The following MYO5B variants were observed in gnomAD, a reference collection of about 807,000 sequenced individuals.
The protein encoded by MYO5B is unconventional myosin-Vb.
A neutral mutation model predicts 229.3 loss-of-function variants in MYO5B; 143 were observed. The observed-to-expected ratio is 0.62, with a 90% CI of 0.54 to 0.72. The LOEUF (loss-of-function observed/expected upper bound fraction) is 0.72, where lower values mean the gene tolerates loss of function less well. Among genes scored for constraint, MYO5B ranks in the 30% least tolerant of loss-of-function variants. MYO5B has a pLI of 0.00. For synonymous variants in MYO5B, 918 were observed against 885.2 expected (o/e 1.04, Z -0.66); for missense variants, 2,321 against 2,331.0 (o/e 1.00, Z 0.09).
chr18:49,967,290 C>A (rs1249999995), intron 10 of MYO5B, among the ~76,000 whole-genome samples: 1 of 152,078 alleles, frequency 6.6e-6, no homozygotes, highest in Non-Finnish European at 1.5e-5. Context: ...AGGTAGTGTC[C>A]GTTGGAAAGT....
At chr18:49,838,556 G>A (rs1908739837) in intron 36 of MYO5B, among the ~76,000 whole-genome samples, 2 of 152,264 alleles carry the variant, frequency 1.3e-5, no homozygotes, top group South Asian at 4.1e-4. Flanking sequence ...TAAGAACCTG[G>A]GGAAAGCATT....
intron 27 of MYO5B, 52 bp from the exon 28 acceptor site, chr18:49,864,432 T>G (rs2024372950): frequency 6.2e-7 from 1 of 1,601,854 alleles, no homozygotes; most frequent in Admixed American, 1.7e-5. Flanking sequence ...TAGGGCTCTC[T>G]CCCTGTGTGG....
chr18:49,895,533 G>A (rs2024768748), intron 21 of MYO5B, among the ~76,000 whole-genome samples: 1 of 150,996 alleles, frequency 6.6e-6, no homozygotes, highest in Non-Finnish European at 1.5e-5. Flanking sequence ...TGGGTTTGCA[G>A]CCTTCACTTT....
chr18:50,005,988 G>A (rs1033245092), intron 4 of MYO5B, among the ~76,000 whole-genome samples: 14 of 152,070 alleles, frequency 9.2e-5, no homozygotes, highest in Admixed American at 2.0e-4. Context: ...GTCATATTTC[G>A]CCTTCTTTTG....
intron 21 of MYO5B, among the ~76,000 whole-genome samples, chr18:49,899,048 G>A (rs562162859): frequency 2.0e-5 from 3 of 152,254 alleles, no homozygotes; most frequent in South Asian, 4.1e-4. Flanking sequence ...TCATTTCCAA[G>A]CTATCAGCTC....
chr18:50,116,550 G>C (rs1283553970), intron 1 of MYO5B, among the ~76,000 whole-genome samples: 1 of 152,058 alleles, frequency 6.6e-6, no homozygotes, highest in Non-Finnish European at 1.5e-5. Context: ...AAAACCTGCT[G>C]CATCTCTTGA....
At position 49,898,534 on chromosome 18, in the gene MYO5B, A is replaced by T. The variant is rs556546834; in HGVS notation, c.2812-3360T>A. ...ACTGAATGACGTCATACCACAGCCTATCCCAGGGACACTGCAAGAAATGGT... is the reference window on the plus strand; with the variant it reads ...ACTGAATGACGTCATACCACAGCCTTTCCCAGGGACACTGCAAGAAATGGT... On this transcript the variant is annotated intron_variant, in intron 21 of 39. Transcript: ENST00000285039. 4.0e-3 allele frequency among the ~76,000 whole-genome samples: 611 copies of T among 152,324 alleles called. 5 individuals carry two copies. Among genetic ancestry groups the T allele is most frequent in the African/African-American group, 0.014 (592 of 41,576 alleles).
chr18:49,984,400 G>A (rs760200255), intron 8 of MYO5B, among the ~76,000 whole-genome samples: 2 of 152,220 alleles, frequency 1.3e-5, no homozygotes, highest in Admixed American at 6.5e-5. Context: ...ACCACAGCAC[G>A]AGAAGACGTG....
intron 1 of MYO5B, among the ~76,000 whole-genome samples, chr18:50,159,565 T>C (rs2032732829): frequency 6.6e-6 from 1 of 152,084 alleles, no homozygotes; most frequent in African/African-American, 2.4e-5. Context: ...CCACCGTGCT[T>C]CTCATGCTCA....
intron 17 of MYO5B, among the ~76,000 whole-genome samples, chr18:49,926,897 C>T (rs1358392210): frequency 6.6e-6 from 1 of 152,152 alleles, no homozygotes; most frequent in South Asian, 2.1e-4. Flanking sequence ...TGAAGGTATA[C>T]TAACTGAAAT....
At chr18:49,865,318 G>A (rs772756584) in intron 27 of MYO5B, among the ~76,000 whole-genome samples, 5 of 152,086 alleles carry the variant, frequency 3.3e-5, no homozygotes, top group South Asian at 2.1e-4. Flanking sequence ...GGTCCAGGGC[G>A]CCCCTGTGAC....
chr18:50,146,323 T>C (rs1378959186), intron 1 of MYO5B, among the ~76,000 whole-genome samples: 10 of 152,218 alleles, frequency 6.6e-5, no homozygotes, highest in Non-Finnish European at 1.5e-4. Context: ...CTTATCCAAC[T>C]GGAAGGAAGA....
intron 27 of MYO5B, among the ~76,000 whole-genome samples, chr18:49,870,718 A>T (rs570043310): frequency 6.6e-6 from 1 of 152,218 alleles, no homozygotes; most frequent in Non-Finnish European, 1.5e-5. Context: ...CAAAACTACA[A>T]TGAGATATCA....
intron 1 of MYO5B, among the ~76,000 whole-genome samples, chr18:50,155,510 A>G (rs562774761): frequency 1.3e-5 from 2 of 152,364 alleles, no homozygotes; most frequent in Admixed American, 1.3e-4. Context: ...TTGAACAACC[A>G]TCACTGCTTC....
chr18:49,875,594 A>C lies in MYO5B; in HGVS notation c.3537+93T>G, dbSNP rs948591946. 3 of 1,549,302 alleles carry C rather than the reference A, an allele frequency of 1.9e-6. No homozygotes were observed. The African/African-American group carries it at 4.1e-5, about 21-fold the overall frequency. On this transcript the variant is annotated intron_variant, in intron 26 of 39. Coordinates refer to ENST00000285039, the MANE Select transcript of MYO5B (RefSeq NM_001080467.3). ...TGAGACTTAGCAGGAGCACAATCCCATGTGGTCACACATGCCACATGAGCC... is the reference window on the plus strand; with the variant it reads ...TGAGACTTAGCAGGAGCACAATCCCCTGTGGTCACACATGCCACATGAGCC...
intron 21 of MYO5B, among the ~76,000 whole-genome samples, chr18:49,902,283 A>C (rs1314438815): frequency 9.5e-6 from 1 of 104,854 alleles, no homozygotes; most frequent in East Asian, 2.7e-4. Context: ...CCTCCCTCTT[A>C]GGAGGACCCC....
chr18:50,082,109 T>C (rs759198504), intron 1 of MYO5B, among the ~76,000 whole-genome samples: 24 of 152,228 alleles, frequency 1.6e-4, no homozygotes, highest in Non-Finnish European at 2.8e-4. Context: ...CTTTTTATCA[T>C]AGATTAAGGT....
rs547637634 is a variant in MYO5B at position 50,137,938 on chromosome 18, T to G, written c.27+56829A>C. Among the ~76,000 whole-genome samples the G allele has an allele frequency of 3.3e-5, 5 of 152,264 alleles. No individual in the cohort carries two copies. In the East Asian group the frequency reaches 5.8e-4, roughly 18 times the overall value. On this transcript the variant is annotated intron_variant, in intron 1 of 39. Transcript: ENST00000285039. ...AATGGGAACTAAATGATAAGAATTA[T>G]GAACACAAAGAAGGAAGTAACAGAC...
At chr18:50,096,597 C>G (rs2031555815) in intron 1 of MYO5B, among the ~76,000 whole-genome samples, 1 of 152,190 alleles carries the variant, frequency 6.6e-6, no homozygotes, top group African/African-American at 2.4e-5. Flanking sequence ...TGAGGCTGAT[C>G]TCCACTGGTC....
Sources: gnomAD v4.1 joint callset for allele counts (sites outside exome capture counted in the v4.1 genomes callset) on GRCh38, gnomAD v4.1.1 for gene constraint, MANE v1.5 for transcripts, NCBI Gene and HGNC (gene_info 2026-07-23, HGNC 2026-07-21) for gene names.